The following MMAB variants were observed in gnomAD, a reference collection of about 807,000 sequenced individuals.
MMAB encodes metabolism of cobalamin associated B.
Under a neutral mutation model 30.6 loss-of-function variants are expected in MMAB, and 17 were observed. The observed-to-expected ratio is 0.56, with a 90% CI of 0.38 to 0.83. MMAB has a LOEUF of 0.83. MMAB is among the 40% of genes least tolerant of loss of function. MMAB has a pLI of 0.00. For synonymous variants in MMAB, 134 were observed against 138.6 expected (o/e 0.97, Z 0.23); for missense variants, 311 against 331.6 (o/e 0.94, Z 0.48).
At chr12:109,564,557 ATTTTTTT>A (rs1225684291) in intron 4 of MMAB, among the ~76,000 whole-genome samples, 17 of 140,672 alleles carry the variant, frequency 1.2e-4, no homozygotes, top group African/African-American at 4.4e-4. Context: ...CTAATTTTTA[ATTTTTTT>A]TTTTTTTTGT....
In MMAB at chr12:109,561,483, C is replaced by T. The variant is rs1884202411; in HGVS notation, c.456G>A (p.Glu152=). The change falls in exon 6 of 9, where the codon GAG becomes GAA. Residue 152 remains glutamate, a synonymous_variant. Coordinates refer to ENST00000545712, the MANE Select transcript of MMAB (RefSeq NM_052845.4). This position sits in a 1 kb window ranked among gnomAD's most constrained non-coding sequence, Gnocchi z 5.3. ...YTTFKAGPIL[E]LEQWIDKYTS... is the part of the protein sequence containing the mutation. The stretch of plus-strand genomic sequence containing the variant: ...TGTACTTGTCGATCCACTGCTCCAG[C>T]TCCAGGATGGGCCCCGCCTTGAACG... 2 of 1,550,352 alleles carry T rather than the reference C, an allele frequency of 1.3e-6. No individual in the cohort carries two copies. The highest frequency in any genetic ancestry group is 1.7e-6 in the Non-Finnish European group (2 of 1,146,984).
At chr12:109,573,243 C>T in intron 1 of MMAB, 104 bp downstream of exon 1, 1 of 1,506,324 alleles carries the variant, frequency 6.6e-7, no homozygotes, top group South Asian at 1.2e-5. Flanking sequence ...GGAGACGTCA[C>T]CTGACGGTTG....
intron 4 of MMAB, among the ~76,000 whole-genome samples, chr12:109,563,218 G>C (rs1416983281): frequency 1.3e-5 from 2 of 152,226 alleles, no homozygotes; most frequent in African/African-American, 2.4e-5. Flanking sequence ...TGTACCCCAA[G>C]GGCTGGGGAG....
At chr12:109,572,411 A>T (rs1593006878) in intron 1 of MMAB, among the ~76,000 whole-genome samples, 2 of 119,058 alleles carry the variant, frequency 1.7e-5, no homozygotes, top group East Asian at 2.3e-4. Flanking sequence ...CACCCAGCTA[A>T]TTTTTTTTTT....
chr12:109,560,022 C>T (rs1238808662), intron 7 of MMAB, among the ~76,000 whole-genome samples: 7 of 152,224 alleles, frequency 4.6e-5, no homozygotes, highest in Admixed American at 2.6e-4. Context: ...TCAGCTGCTC[C>T]GCCATGCCTG....
In MMAB at chr12:109,555,611, G is replaced by A. The variant is rs1394008735; in HGVS notation, c.*1417C>T. 1 of 451,968 alleles carries A rather than the reference G, an allele frequency of 2.2e-6. No individual in the cohort carries two copies. 28.0% of individuals were successfully genotyped at this position (451,968 alleles called of 1,614,324 possible). ...TGAGCACCGACTCCGTACCAGACCT[G>A]GTAGTGACGATGGGGGCAGGGAGGC... On this transcript the variant is annotated 3_prime_UTR_variant, in exon 9 of 9. Transcript: ENST00000545712.
At chr12:109,572,200 C>T (rs1884664917) in intron 1 of MMAB, among the ~76,000 whole-genome samples, 1 of 152,026 alleles carries the variant, frequency 6.6e-6, no homozygotes, top group South Asian at 2.1e-4. Context: ...TAGACCAGAG[C>T]ACAAACTGTA....
chr12:109,568,934 AAC>A (rs1190920165), intron 2 of MMAB, 71 bp from the exon 3 acceptor site: 5 of 1,087,536 alleles, frequency 4.6e-6, no homozygotes, highest in Non-Finnish European at 7.1e-6. Flanking sequence ...TTTTTTTTTA[AAC>A]TTTCAAAGAT....
Position 109,561,733 on chromosome 12 carries a change from C to T in MMAB, c.421+47G>A, listed in dbSNP as rs1270018981. ...CCCAGATGGTGACCCTAGGAGAGTC[C>T]CCTGACCCTAGGGCCCTCTGAACAC... On this transcript the variant is annotated intron_variant, in intron 5 of 8. Coordinates refer to ENST00000545712, the MANE Select transcript of MMAB (RefSeq NM_052845.4). The surrounding 1 kb of genome is among the most constrained non-coding windows in gnomAD (Gnocchi z 5.3). 2 of 1,527,852 alleles carry T rather than the reference C, an allele frequency of 1.3e-6. No individual in the cohort carries two copies. Among genetic ancestry groups the T allele is most frequent in the South Asian group, 2.3e-5 (2 of 85,152 alleles). 94.6% of individuals were successfully genotyped at this position (1,527,852 alleles called of 1,614,324 possible). A position where few individuals can be genotyped will look rare whatever the true frequency, so the allele number is the denominator to read the frequency against.
Position 109,557,090 on chromosome 12 carries a change from C to T in MMAB, c.691G>A (p.Glu231Lys). The stretch of plus-strand genomic sequence containing the variant: ...ATGTATATTTTCTCTTGATTCCCCT[C>T]CTTCATGGCTGCATATCTGGCTAGC... ...FTLARYAAMK[E>K]GNQEKIYMKN... Residue 231 changes from glutamate to lysine, a missense_variant, in exon 9 of 9, where the codon GAG becomes AAG. Coordinates refer to ENST00000545712, the MANE Select transcript of MMAB (RefSeq NM_052845.4). The T allele has an allele frequency of 6.2e-7, 1 of 1,613,976 alleles. No individual in the cohort carries two copies. Among genetic ancestry groups the T allele is most frequent in the Non-Finnish European group, 8.5e-7 (1 of 1,179,824 alleles).
intron 3 of MMAB, chr12:109,567,167 T>A: frequency 2.7e-6 from 1 of 367,948 alleles, no homozygotes; most frequent in East Asian, 7.8e-5. Context: ...CGAAACTCCG[T>A]CTCGGAAAAA....
chr12:109,560,985 CCCCTTGTTCCTCTCCCTCT>C (rs1378707361), intron 7 of MMAB, 36 bp downstream of exon 7: 1 of 881,442 alleles, frequency 1.1e-6, no homozygotes, highest in Non-Finnish European at 1.8e-6. Context: ...CTCCCCCCTC[CCCCTTGTTCCTCTCCCTCT>C]CCCTTGGGCC....
At chr12:109,563,425 C>T (rs780792868) in intron 4 of MMAB, among the ~76,000 whole-genome samples, 1 of 152,230 alleles carries the variant, frequency 6.6e-6, no homozygotes, top group South Asian at 2.1e-4. Flanking sequence ...CATCCACAGG[C>T]CCTGCGAGCG....
chr12:109,566,935 C>T (rs1884451288), intron 3 of MMAB: 4 of 455,402 alleles, frequency 8.8e-6, no homozygotes, highest in Admixed American at 4.7e-5. Flanking sequence ...CCCACACACA[C>T]CAAGGGGTTT....
Position 109,562,000 on chromosome 12 carries a change from C to T in MMAB, c.349-148G>A, listed in dbSNP as rs1592999004. 1 of 711,538 alleles carries T rather than the reference C, an allele frequency of 1.4e-6. No individual in the cohort carries two copies. 44.1% of individuals were successfully genotyped at this position (711,538 alleles called of 1,614,324 possible). On this transcript the variant is annotated intron_variant, in intron 4 of 8. Coordinates refer to ENST00000545712, the MANE Select transcript of MMAB (RefSeq NM_052845.4). The surrounding 1 kb of genome is among the most constrained non-coding windows in gnomAD (Gnocchi z 5.3). ...ATATGGTTTGGCAATGTGTCCCCAT[C>T]CAAATCTCATGTTAAATTGTGATCC...
chr12:109,554,247 C>G lies in MMAB; in HGVS notation c.*2781G>C. ...CAAATGAGATAATGTCTGTGGAACA[C>G]TTGGCTCAGGGCACTGCACATAGCA... is the stretch of plus-strand genomic sequence containing the variant. On this transcript the variant is annotated 3_prime_UTR_variant, in exon 9 of 9. Transcript: ENST00000545712. 1 of 454,050 alleles carries G rather than the reference C, an allele frequency of 2.2e-6. No homozygotes were observed. Among genetic ancestry groups the G allele is most frequent in the Non-Finnish European group, 4.4e-6 (1 of 226,760 alleles). 28.1% of individuals were successfully genotyped at this position (454,050 alleles called of 1,614,324 possible). A position where few individuals can be genotyped will look rare whatever the true frequency, so the allele number is the denominator to read the frequency against.
chr12:109,564,749 G>A, intron 4 of MMAB: 2 of 370,700 alleles, frequency 5.4e-6, no homozygotes, highest in Non-Finnish European at 5.2e-6. Context: ...CATGATCACA[G>A]CTCACTGCAG....
At chr12:109,563,278 G>A (rs914130154) in intron 4 of MMAB, among the ~76,000 whole-genome samples, 1 of 152,250 alleles carries the variant, frequency 6.6e-6, no homozygotes, top group Non-Finnish European at 1.5e-5. Context: ...ATGCCTGGCT[G>A]TGGGGGCTGG....
intron 3 of MMAB, chr12:109,567,059 T>C (rs906106014): frequency 4.4e-6 from 2 of 455,302 alleles, no homozygotes; most frequent in Non-Finnish European, 8.8e-6. Flanking sequence ...AGGTAAGTGT[T>C]AAGAATAGTA....
Sources: gnomAD v4.1 joint callset for allele counts (sites outside exome capture counted in the v4.1 genomes callset) on GRCh38, gnomAD v4.1.1 for gene constraint, Gnocchi (gnomAD v3.1) non-coding constraint, MANE v1.5 for transcripts, NCBI Gene and HGNC (gene_info 2026-07-23, HGNC 2026-07-21) for gene names.